Variants in EHBP1 observed in about 807,000 individuals in gnomAD.
EHBP1 encodes EH domain-binding protein 1.
EHBP1 carries 55 observed loss-of-function variants against 144.0 expected under a neutral mutation model. The observed-to-expected ratio is 0.38, with a 90% CI of 0.31 to 0.48. EHBP1 has a LOEUF of 0.48. Ranked by LOEUF, EHBP1 falls within the 20% of genes least tolerant of loss-of-function variation. The pLI is 0.98. For missense variants in EHBP1, 1,200 were observed against 1,364.2 expected (o/e 0.88, Z 1.90); for synonymous variants, 469 against 472.7 (o/e 0.99, Z 0.10).
At position 62,948,832 on chromosome 2, in the gene EHBP1, G is replaced by C; in HGVS notation, c.1986G>C (p.Leu662Phe). Residue 662 changes from leucine (L) to phenylalanine (F), a missense_variant, in exon 13 of 23, where the codon TTG becomes TTC. Leu to Phe is a conservative substitution (Grantham distance 22). Around this residue, in one of 6 missense-constraint regions of EHBP1, gnomAD observed 543 missense variants for 513.1 expected, o/e 1.06. Transcript: ENST00000431489. Reference sequence around the variant, plus strand: ...TATTGAAAGCTGAGACTTTAGAATTGAGTGACTTATATGTTAGTGATAAGA... The same window carrying C: ...TATTGAAAGCTGAGACTTTAGAATTCAGTGACTTATATGTTAGTGATAAGA... ...KRLLKAETLELSDLYVSDKKK... is the reference protein window; with the variant it reads ...KRLLKAETLEFSDLYVSDKKK... 1 of 1,614,102 alleles carries C rather than the reference G, an allele frequency of 6.2e-7. No individual in the cohort carries two copies. Among genetic ancestry groups the C allele is most frequent in the South Asian group, 1.1e-5 (1 of 91,068 alleles).
intron 2 of EHBP1, among the ~76,000 whole-genome samples, chr2:62,742,558 G>C (rs531797621): frequency 2.2e-4 from 34 of 152,008 alleles, no homozygotes; most frequent in Non-Finnish European, 4.4e-4. Flanking sequence ...TCATATTATT[G>C]TTTGGGTCTG....
intron 5 of EHBP1, among the ~76,000 whole-genome samples, chr2:62,804,294 C>A (rs1487676969): frequency 6.6e-6 from 1 of 152,104 alleles, no homozygotes; most frequent in Non-Finnish European, 1.5e-5. Flanking sequence ...AGAAAAAAAA[C>A]CTTGACAAAT....
chr2:63,037,240 A>G (rs1047474250), intron 19 of EHBP1, among the ~76,000 whole-genome samples: 3 of 151,946 alleles, frequency 2.0e-5, no homozygotes, highest in African/African-American at 4.8e-5. Context: ...TTGAAACATA[A>G]TAGCAAGTCA....
At chr2:62,683,540 T>A (rs2033605580) in intron 1 of EHBP1, among the ~76,000 whole-genome samples, 1 of 151,324 alleles carries the variant, frequency 6.6e-6, no homozygotes, top group African/African-American at 2.4e-5. Context: ...GCGCCTGTAG[T>A]CTCAGCTACT....
intron 5 of EHBP1, among the ~76,000 whole-genome samples, chr2:62,797,346 G>C (rs927862469): frequency 9.9e-5 from 15 of 152,174 alleles, no homozygotes; most frequent in Admixed American, 8.5e-4. Context: ...TTGGCAGAAA[G>C]CTACTCCCAT....
Position 62,893,108 on chromosome 2 carries a change from A to G in EHBP1, c.1185+18576A>G, listed in dbSNP as rs965855431. ...AGCTTTTACTTACTCTGAAGGAGGC[A>G]TCCAAGTAGTGTTACCCTAATTCCT... is the stretch of plus-strand genomic sequence containing the variant. On this transcript the variant is annotated intron_variant, in intron 10 of 22. Coordinates refer to ENST00000431489, the MANE Select transcript of EHBP1 (RefSeq NM_001142616.3). 7.2e-5 allele frequency among the ~76,000 whole-genome samples: 11 copies of G among 152,316 alleles called. No homozygotes were observed. In the South Asian group the frequency reaches 2.3e-3, roughly 32 times the overall value.
intron 10 of EHBP1, among the ~76,000 whole-genome samples, chr2:62,890,912 G>A (rs994963954): frequency 2.0e-5 from 3 of 152,190 alleles, no homozygotes; most frequent in Admixed American, 6.5e-5. Flanking sequence ...TGGGCACGGC[G>A]GCTCACGCCT....
chr2:62,714,763 C>G (rs1386200251), intron 2 of EHBP1, among the ~76,000 whole-genome samples: 3 of 152,018 alleles, frequency 2.0e-5, no homozygotes. Context: ...GTAAATATAA[C>G]CTGAACTTTT....
chr2:62,942,669 A>T (rs2056828105), intron 10 of EHBP1, 49 bp from the exon 11 acceptor site: 1 of 1,488,014 alleles, frequency 6.7e-7, no homozygotes, highest in Admixed American at 2.0e-5. Context: ...GTTAATTTTC[A>T]TCTTCCATTA....
At chr2:62,992,998 A>C (rs1439701690) in intron 16 of EHBP1, among the ~76,000 whole-genome samples, 7 of 152,188 alleles carry the variant, frequency 4.6e-5, no homozygotes, top group Admixed American at 2.0e-4. Flanking sequence ...GAACCATTTG[A>C]ATTTGTTACC....
chr2:62,946,357 C>A (rs1029966985), intron 12 of EHBP1, among the ~76,000 whole-genome samples: 3 of 152,134 alleles, frequency 2.0e-5, no homozygotes, highest in African/African-American at 7.2e-5. Flanking sequence ...CCAGTACAGA[C>A]AATCATGGCT....
intron 1 of EHBP1, among the ~76,000 whole-genome samples, chr2:62,677,026 G>A (rs533017363): frequency 2.0e-5 from 3 of 152,180 alleles, no homozygotes; most frequent in African/African-American, 7.2e-5. Context: ...AGCTGGGCAT[G>A]GTGGCACATT....
intron 3 of EHBP1, among the ~76,000 whole-genome samples, chr2:62,763,833 A>G (rs1380683012): frequency 6.6e-6 from 1 of 152,208 alleles, no homozygotes; most frequent in Non-Finnish European, 1.5e-5. Flanking sequence ...ACTTAAATGC[A>G]AAGTTATACA....
intron 19 of EHBP1, among the ~76,000 whole-genome samples, chr2:63,002,771 A>T (rs2059900138): frequency 1.3e-5 from 2 of 152,226 alleles, no homozygotes; most frequent in African/African-American, 4.8e-5. Flanking sequence ...ACATTAACTG[A>T]TCACAGATAC....
chr2:63,029,698 G>T (rs964398505), intron 19 of EHBP1, among the ~76,000 whole-genome samples: 9 of 151,996 alleles, frequency 5.9e-5, no homozygotes, highest in African/African-American at 2.2e-4. Context: ...AGATCAAGGG[G>T]CTCAATTTTT....
intron 9 of EHBP1, among the ~76,000 whole-genome samples, chr2:62,869,163 G>A (rs1235648689): frequency 6.6e-6 from 1 of 152,008 alleles, no homozygotes; most frequent in Admixed American, 6.5e-5. Flanking sequence ...TATTGTCAAG[G>A]ATGTGGGGCC....
chr2:62,721,569 T>C (rs765523666), intron 2 of EHBP1, among the ~76,000 whole-genome samples: 6 of 152,244 alleles, frequency 3.9e-5, no homozygotes, highest in East Asian at 3.8e-4. Flanking sequence ...GGGGGGAAGA[T>C]GCTTTGAAGT....
chr2:62,933,806 A>G (rs907458034), intron 10 of EHBP1, among the ~76,000 whole-genome samples: 3 of 152,170 alleles, frequency 2.0e-5, no homozygotes, highest in Non-Finnish European at 4.4e-5. Flanking sequence ...CCTAAACAAT[A>G]TGGTTTACTT....
At chr2:62,747,256 A>G (rs927314720) in intron 2 of EHBP1, 139 bp from the exon 3 acceptor site, 77 of 633,914 alleles carry the variant, frequency 1.2e-4, no homozygotes, top group Non-Finnish European at 1.8e-4. Flanking sequence ...AACATCTACT[A>G]TATTTGATAG....
Sources: gnomAD v4.1 joint callset for allele counts (sites outside exome capture counted in the v4.1 genomes callset) on GRCh38, gnomAD v4.1.1 for gene constraint, gnomAD v4.1.1 regional missense constraint, MANE v1.5 for transcripts, NCBI Gene and HGNC (gene_info 2026-07-23, HGNC 2026-07-21) for gene names.